Variants in MEGF10 observed in about 807,000 individuals in gnomAD.
MEGF10 encodes the protein multiple EGF like domains 10.
In MEGF10, 86 loss-of-function variants were observed where a neutral mutation model predicts 147.5. That is an observed-to-expected ratio of 0.58 (90% CI 0.49 to 0.70). MEGF10 has a LOEUF of 0.70. MEGF10 is among the 30% of genes least tolerant of loss of function. The pLI is 0.00. For synonymous variants in MEGF10, 478 were observed against 525.5 expected, an observed-to-expected ratio of 0.91 and a Z score of 1.24; for missense variants, 1,329 against 1,487.3, an observed-to-expected ratio of 0.89 and a Z score of 1.75.
At chr5:127,283,772 G>A in the MEGF10 span, among the ~76,000 whole-genome samples, 8 of 151,888 alleles carry the variant, frequency 5.3e-5, no homozygotes, top group Admixed American at 5.2e-4. Context: ...AACATGAGAG[G>A]GCATTACATA....
chr5:127,316,853 A>G (rs1430177034), intron 1 of MEGF10, among the ~76,000 whole-genome samples: 1 of 152,190 alleles, frequency 6.6e-6, no homozygotes, highest in Non-Finnish European at 1.5e-5. Flanking sequence ...AGGGTGTTAC[A>G]GGAGCAAAGA....
chr5:127,413,834 G>T (rs1036168750), intron 9 of MEGF10, among the ~76,000 whole-genome samples: 14 of 152,164 alleles, frequency 9.2e-5, no homozygotes, highest in Non-Finnish European at 2.1e-4. Context: ...GAAAACCAGT[G>T]TGCTGCACTA....
At chr5:127,307,370 G>A (rs1425242399) in intron 1 of MEGF10, among the ~76,000 whole-genome samples, 2 of 152,178 alleles carry the variant, frequency 1.3e-5, no homozygotes, top group African/African-American at 2.4e-5. Context: ...GAATGGGGTG[G>A]GCAGGGTTCA....
At chr5:127,248,627 G>A in the MEGF10 span, among the ~76,000 whole-genome samples, 4 of 151,908 alleles carry the variant, frequency 2.6e-5, no homozygotes, top group African/African-American at 4.8e-5. Context: ...TAAAAGATCA[G>A]AGAATTGAAA....
intron 7 of MEGF10, among the ~76,000 whole-genome samples, chr5:127,399,619 G>A (rs1350313433): frequency 1.3e-5 from 2 of 152,168 alleles, no homozygotes; most frequent in South Asian, 2.1e-4. Context: ...GGTTACAAGG[G>A]ACTTAATTAC....
chr5:127,291,562 C>CT (rs1759258452), intron 1 of MEGF10, among the ~76,000 whole-genome samples: 1 of 152,174 alleles, frequency 6.6e-6, no homozygotes, highest in Non-Finnish European at 1.5e-5. Context: ...GGATGCTCCC[C>CT]TTTCCTGAGT....
At chr5:127,423,558 CT>C (rs1187590767) in intron 13 of MEGF10, among the ~76,000 whole-genome samples, 2 of 152,180 alleles carry the variant, frequency 1.3e-5, no homozygotes, top group African/African-American at 4.8e-5. Flanking sequence ...TATTATCTGA[CT>C]TTTTGATTCT....
chr5:127,319,170 G>T (rs1760693394), intron 1 of MEGF10, among the ~76,000 whole-genome samples: 2 of 151,878 alleles, frequency 1.3e-5, no homozygotes, highest in African/African-American at 4.8e-5. Context: ...CTGCTTCCCG[G>T]GTTCAAGTGA....
chr5:127,453,459 A>ATTTGTATGGTG (rs1221811903), intron 22 of MEGF10, among the ~76,000 whole-genome samples: 8 of 152,270 alleles, frequency 5.3e-5, no homozygotes, highest in Non-Finnish European at 7.4e-5. Flanking sequence ...TAATTGACAC[A>ATTTGTATGGTG]CTTCATTTGT....
chr5:127,232,181 T>C, the MEGF10 span, among the ~76,000 whole-genome samples: 1 of 152,360 alleles, frequency 6.6e-6, no homozygotes, highest in African/African-American at 2.4e-5. Context: ...ATGATCTTAT[T>C]GATTTTCAAA....
chr5:127,378,050 T>C (rs1023938253), intron 5 of MEGF10, among the ~76,000 whole-genome samples: 5 of 152,106 alleles, frequency 3.3e-5, no homozygotes, highest in African/African-American at 1.2e-4. Context: ...GATTTTGCCT[T>C]TCCTAAGGAG....
chr5:127,283,877 G>T, the MEGF10 span, among the ~76,000 whole-genome samples: 5 of 152,142 alleles, frequency 3.3e-5, no homozygotes, highest in Non-Finnish European at 7.4e-5. Context: ...TTCTTACTGT[G>T]GATCATATTA....
In MEGF10 at chr5:127,370,062, C is replaced by T. The variant is rs1308942435; in HGVS notation, c.412+60C>T. 12 of 1,279,318 alleles carry T rather than the reference C, an allele frequency of 9.4e-6. No homozygotes were observed. The Admixed American group carries it at 1.6e-4, about 17-fold the overall frequency. 79.2% of individuals were successfully genotyped at this position (1,279,318 alleles called of 1,614,324 possible). ...GTTTTTGCTGTAAGGCCCTCCTTGT[C>T]TGCAGATGACCCTGAGCCATGCTTT... On this transcript the variant is annotated intron_variant, in intron 5 of 24. Transcript: ENST00000503335.
chr5:127,361,208 T>A (rs902145433), intron 4 of MEGF10, among the ~76,000 whole-genome samples: 12 of 152,006 alleles, frequency 7.9e-5, no homozygotes, highest in African/African-American at 2.9e-4. Context: ...CTTTTAACTA[T>A]AATTTAATTG....
intron 4 of MEGF10, 52 bp from the exon 5 acceptor site, chr5:127,369,858 C>T: frequency 1.4e-6 from 2 of 1,473,446 alleles, no homozygotes; most frequent in Non-Finnish European, 9.4e-7. Context: ...GTGTTGTTGG[C>T]TTTTTTTTCT....
the MEGF10 span, among the ~76,000 whole-genome samples, chr5:127,238,195 A>G: frequency 6.6e-6 from 1 of 151,844 alleles, no homozygotes; most frequent in African/African-American, 2.4e-5. Context: ...AGCTGGGACT[A>G]CAGACATGCA....
At chr5:127,250,967 G>GA in the MEGF10 span, among the ~76,000 whole-genome samples, 7 of 151,718 alleles carry the variant, frequency 4.6e-5, no homozygotes, top group South Asian at 2.1e-4. Flanking sequence ...GTAAAATATA[G>GA]AAAAAAATCC....
intron 1 of MEGF10, among the ~76,000 whole-genome samples, chr5:127,292,977 AC>A (rs1759327178): frequency 6.6e-6 from 1 of 152,222 alleles, no homozygotes; most frequent in East Asian, 1.9e-4. Context: ...CAATTTCCAT[AC>A]CTGTTAAAAT....
chr5:127,382,839 A>G (rs1281933912), intron 5 of MEGF10, among the ~76,000 whole-genome samples: 1 of 152,252 alleles, frequency 6.6e-6, no homozygotes, highest in Non-Finnish European at 1.5e-5. Context: ...AATGAACATG[A>G]CAATATGCTA....
Sources: allele counts gnomAD v4.1 joint callset (sites outside exome capture counted in the v4.1 genomes callset), GRCh38; gene constraint gnomAD v4.1.1; transcripts MANE v1.5; gene names NCBI Gene and HGNC (gene_info 2026-07-23, HGNC 2026-07-21).